The following COL23A1 variants were observed in gnomAD, a reference collection of about 807,000 sequenced individuals.
The protein encoded by COL23A1 is collagen alpha-1(XXIII) chain.
In COL23A1, 97 loss-of-function variants were observed where a neutral mutation model predicts 99.3. The ratio of observed to expected loss-of-function variants is 0.98; its 90% CI spans 0.83 to 1.16. The LOEUF is 1.16. Ranked by LOEUF, COL23A1 falls within the 50% of genes most tolerant of loss-of-function variation. The pLI, the probability that COL23A1 is intolerant of heterozygous loss-of-function variation, is 0.00. For synonymous variants in COL23A1, 320 were observed against 308.2 expected (o/e 1.04, Z -0.40); for missense variants, 762 against 757.4 (o/e 1.01, Z -0.07).
At chr5:178,586,610 G>GAA (rs11464020) in intron 1 of COL23A1, among the ~76,000 whole-genome samples, 8,591 of 144,432 alleles carry the variant, frequency 0.059, 702 homozygotes, top group African/African-American at 0.19. Context: ...CTGTTGCAAG[G>GAA]AAAAAAAAAA....
intron 4 of COL23A1, 77 bp from the exon 5 acceptor site, chr5:178,288,427 C>T (rs1395482927): frequency 2.4e-6 from 3 of 1,251,984 alleles, no homozygotes; most frequent in East Asian, 2.3e-5. Flanking sequence ...TCAATCAGGG[C>T]CCAGACCCAC....
intron 2 of COL23A1, among the ~76,000 whole-genome samples, chr5:178,393,440 G>C (rs1419683089): frequency 6.6e-6 from 1 of 152,182 alleles, no homozygotes; most frequent in African/African-American, 2.4e-5. Context: ...GATGTAAACA[G>C]TTCTGATGAT....
At chr5:178,249,027 G>T (rs372399544) in intron 19 of COL23A1, 90 bp downstream of exon 19, 3 of 1,335,042 alleles carry the variant, frequency 2.2e-6, no homozygotes, top group Non-Finnish European at 2.1e-6. Context: ...TCAGGGTCAC[G>T]CCCTGGCCTC....
intron 2 of COL23A1, among the ~76,000 whole-genome samples, chr5:178,330,195 T>C (rs1759935046): frequency 6.6e-6 from 1 of 152,212 alleles, no homozygotes; most frequent in African/African-American, 2.4e-5. Context: ...AAGAAGGGCC[T>C]AGGGTCTCCT....
At chr5:178,327,845 C>T (rs749920233) in intron 2 of COL23A1, among the ~76,000 whole-genome samples, 2 of 152,202 alleles carry the variant, frequency 1.3e-5, no homozygotes, top group Non-Finnish European at 2.9e-5. Flanking sequence ...GCGCCCCACA[C>T]AGCTCAGAGC....
intron 2 of COL23A1, among the ~76,000 whole-genome samples, chr5:178,347,052 G>T (rs538915288): frequency 5.5e-4 from 84 of 152,272 alleles, no homozygotes; most frequent in Non-Finnish European, 1.1e-3. Flanking sequence ...GCAGGGTGAG[G>T]CCCAGCAGGG....
chr5:178,297,248 T>C (rs1480308729), intron 3 of COL23A1, among the ~76,000 whole-genome samples: 1 of 152,210 alleles, frequency 6.6e-6, no homozygotes, highest in Non-Finnish European at 1.5e-5. Flanking sequence ...AGGCTGGGCA[T>C]GGTGGCTCAG....
intron 2 of COL23A1, among the ~76,000 whole-genome samples, chr5:178,401,493 G>T (rs1394046493): frequency 6.6e-6 from 1 of 152,226 alleles, no homozygotes; most frequent in Non-Finnish European, 1.5e-5. Flanking sequence ...TCAATAGTCT[G>T]TTCCTGTTTA....
chr5:178,385,308 T>C (rs1763612053), intron 2 of COL23A1, among the ~76,000 whole-genome samples: 1 of 152,160 alleles, frequency 6.6e-6, no homozygotes, highest in South Asian at 2.1e-4. Context: ...CAGTGAGCTG[T>C]GGACGCGGGG....
At chr5:178,393,882 C>T (rs1764096337) in intron 2 of COL23A1, among the ~76,000 whole-genome samples, 1 of 152,190 alleles carries the variant, frequency 6.6e-6, no homozygotes, top group African/African-American at 2.4e-5. Context: ...CTGCTTTGGC[C>T]TCCCAAAGTG....
At chr5:178,433,369 C>T (rs1474614807) in intron 2 of COL23A1, among the ~76,000 whole-genome samples, 2 of 152,200 alleles carry the variant, frequency 1.3e-5, no homozygotes, top group East Asian at 3.9e-4. Flanking sequence ...AGGGCAGTGT[C>T]TAGGGCGGTC....
At chr5:178,577,743 C>A (rs368339895) in intron 1 of COL23A1, among the ~76,000 whole-genome samples, 1 of 152,360 alleles carries the variant, frequency 6.6e-6, no homozygotes, top group African/African-American at 2.4e-5. Flanking sequence ...CCAAGACCAG[C>A]GAGGCGGATT....
At chr5:178,537,803 C>G (rs1761062385) in intron 2 of COL23A1, among the ~76,000 whole-genome samples, 1 of 152,234 alleles carries the variant, frequency 6.6e-6, no homozygotes, top group Non-Finnish European at 1.5e-5. Flanking sequence ...CATGACGTTT[C>G]CCATGGCAGC....
intron 2 of COL23A1, among the ~76,000 whole-genome samples, chr5:178,498,444 C>T (rs565255505): frequency 2.0e-5 from 3 of 150,272 alleles, no homozygotes; most frequent in East Asian, 2.0e-4. Context: ...TCCAGTAAAA[C>T]TAACAATTAG....
chr5:178,271,563 C>T (rs1756288228), intron 5 of COL23A1, among the ~76,000 whole-genome samples: 1 of 152,238 alleles, frequency 6.6e-6, no homozygotes, highest in Admixed American at 6.5e-5. Context: ...CCTGTAGAGT[C>T]AGGAAAAGGG....
At chr5:178,266,752 C>T (rs183477515) in intron 8 of COL23A1, among the ~76,000 whole-genome samples, 3 of 152,204 alleles carry the variant, frequency 2.0e-5, no homozygotes, top group East Asian at 1.9e-4. Context: ...CTCAGGGCCG[C>T]GGAGGTGCGG....
At chr5:178,358,605 G>A (rs1761977094) in intron 2 of COL23A1, among the ~76,000 whole-genome samples, 1 of 146,588 alleles carries the variant, frequency 6.8e-6, no homozygotes, top group Non-Finnish European at 1.5e-5. Flanking sequence ...GTGTATGTGT[G>A]TATGCGTGTA....
At chr5:178,527,590 C>T (rs552428276) in intron 2 of COL23A1, among the ~76,000 whole-genome samples, 3 of 152,336 alleles carry the variant, frequency 2.0e-5, no homozygotes, top group South Asian at 4.1e-4. Context: ...CCTCATGACT[C>T]GGTTACCAAC....
intron 3 of COL23A1, among the ~76,000 whole-genome samples, chr5:178,295,612 T>A (rs1209079491): frequency 2.0e-5 from 3 of 152,256 alleles, no homozygotes; most frequent in African/African-American, 7.2e-5. Context: ...GCCACAGCAA[T>A]TATCCTCCTA....
Sources: allele counts gnomAD v4.1 joint callset (sites outside exome capture counted in the v4.1 genomes callset), GRCh38; gene constraint gnomAD v4.1.1; transcripts MANE v1.5; gene names NCBI Gene and HGNC (gene_info 2026-07-23, HGNC 2026-07-21).